XRCC2: variants seen among roughly 807,000 people sequenced by gnomAD.
XRCC2 encodes the protein DNA repair protein XRCC2.
XRCC2 carries 24 observed loss-of-function variants against 27.3 expected under a neutral mutation model. The observed-to-expected ratio is 0.88, with a 90% CI of 0.64 to 1.24. XRCC2 has a LOEUF of 1.24. Among genes scored for constraint, XRCC2 ranks in the 50% most tolerant of loss-of-function variants. The probability of loss-of-function intolerance (pLI) is 0.00; values close to 1 mark genes in which losing one functional copy is unlikely to be tolerated. For synonymous variants in XRCC2, 106 were observed against 115.4 expected, an observed-to-expected ratio of 0.92 and a Z score of 0.52; for missense variants, 321 against 325.8, an observed-to-expected ratio of 0.99 and a Z score of 0.11.
At chr7:152,655,060 C>G (rs1311889108) in intron 2 of XRCC2, among the ~76,000 whole-genome samples, 2 of 152,194 alleles carry the variant, frequency 1.3e-5, no homozygotes, top group Non-Finnish European at 2.9e-5. Flanking sequence ...GCTACAGCAT[C>G]CTTGTCCAGC....
At chr7:152,661,806 A>G (rs555001330) in intron 1 of XRCC2, among the ~76,000 whole-genome samples, 1 of 152,322 alleles carries the variant, frequency 6.6e-6, no homozygotes, top group East Asian at 1.9e-4. Flanking sequence ...AAGTATTTAG[A>G]ACATAGTTAA....
intron 2 of XRCC2, 70 bp from the exon 3 acceptor site, chr7:152,649,433 C>G: frequency 6.7e-7 from 1 of 1,488,484 alleles, no homozygotes; most frequent in Non-Finnish European, 8.9e-7. Flanking sequence ...GCAAAGTCTG[C>G]AAAAAAGTTT....
Position 152,648,583 on chromosome 7 carries a change from C to A in XRCC2, c.*59G>T. 6.6e-7 allele frequency: 1 copy of A among 1,509,266 alleles called. No homozygotes were observed. The highest frequency in any genetic ancestry group is 8.8e-7 in the Non-Finnish European group (1 of 1,137,030). 93.5% of individuals were successfully genotyped at this position (1,509,266 alleles called of 1,614,324 possible). ...CCTGGGAGACAGAGCAAGACTCTGT[C>A]TTAAGAAAAATTTTAAGGCTTGCGT... On this transcript the variant is annotated 3_prime_UTR_variant, in exon 3 of 3. Coordinates refer to ENST00000359321, the MANE Select transcript of XRCC2 (RefSeq NM_005431.2).
At chr7:152,655,863 T>A (rs755255753) in intron 2 of XRCC2, among the ~76,000 whole-genome samples, 6 of 151,386 alleles carry the variant, frequency 4.0e-5, no homozygotes, top group African/African-American at 1.5e-4. Context: ...ATACAAAAAA[T>A]TTGCTGGGCA....
intron 2 of XRCC2, 56 bp downstream of exon 2, chr7:152,660,645 T>A: frequency 6.8e-7 from 1 of 1,481,038 alleles, no homozygotes; most frequent in Non-Finnish European, 9.3e-7. Flanking sequence ...TGAGCTTATG[T>A]GAAAAATCCT....
intron 1 of XRCC2, among the ~76,000 whole-genome samples, chr7:152,669,995 G>A (rs929933229): frequency 5.3e-5 from 8 of 152,142 alleles, no homozygotes; most frequent in Non-Finnish European, 8.8e-5. Context: ...TACACATGGG[G>A]CATTGTGAGG....
chr7:152,644,846 G>A lies in XRCC2; in HGVS notation c.*3796C>T, dbSNP rs1038641808. The stretch of plus-strand genomic sequence containing the variant: ...ATAGTAATTCTTGATCGCTGAAAAT[G>A]TCAAATCCTGGAAAATGTAGTATTC... On this transcript the variant is annotated 3_prime_UTR_variant, in exon 3 of 3. Coordinates refer to ENST00000359321, the MANE Select transcript of XRCC2 (RefSeq NM_005431.2). The A allele has an allele frequency of 1.1e-4, 16 of 152,154 alleles. No individual in the cohort carries two copies. Among genetic ancestry groups the A allele is most frequent in the African/African-American group, 3.9e-4 (16 of 41,426 alleles). The allele number at this position is 152,154 out of a possible 1,614,324, so 9.4% of individuals were successfully genotyped here.
chr7:152,669,653 C>G (rs1385522745), intron 1 of XRCC2, among the ~76,000 whole-genome samples: 1 of 151,864 alleles, frequency 6.6e-6, no homozygotes, highest in Non-Finnish European at 1.5e-5. Context: ...TCTGCCTGCA[C>G]CGACCTCCCA....
chr7:152,672,079 C>T (rs1172216369), intron 1 of XRCC2, among the ~76,000 whole-genome samples: 1 of 152,004 alleles, frequency 6.6e-6, no homozygotes, highest in East Asian at 1.9e-4. Flanking sequence ...AAAATAAAAT[C>T]AAGTCAGCCT....
At chr7:152,664,564 A>G (rs1396428234) in intron 1 of XRCC2, among the ~76,000 whole-genome samples, 1 of 152,118 alleles carries the variant, frequency 6.6e-6, no homozygotes, top group Non-Finnish European at 1.5e-5. Context: ...ACCCTACACC[A>G]TTCTCGAGCC....
At chr7:152,673,194 T>C (rs1476401466) in intron 1 of XRCC2, among the ~76,000 whole-genome samples, 1 of 152,122 alleles carries the variant, frequency 6.6e-6, no homozygotes, top group African/African-American at 2.4e-5. Context: ...TATATATTCT[T>C]TTTTTTGAGA....
intron 1 of XRCC2, among the ~76,000 whole-genome samples, chr7:152,674,374 G>A (rs1172064738): frequency 6.6e-6 from 1 of 152,066 alleles, no homozygotes; most frequent in Non-Finnish European, 1.5e-5. Flanking sequence ...CCAGCACTCT[G>A]GGAGGCTGAG....
intron 1 of XRCC2, among the ~76,000 whole-genome samples, chr7:152,663,071 T>C (rs1419638077): frequency 1.3e-5 from 2 of 152,054 alleles, no homozygotes; most frequent in Non-Finnish European, 2.9e-5. Flanking sequence ...CTAGATGAGA[T>C]TATGTCATAA....
At chr7:152,659,066 G>A (rs1476734767) in intron 2 of XRCC2, among the ~76,000 whole-genome samples, 3 of 151,944 alleles carry the variant, frequency 2.0e-5, no homozygotes, top group South Asian at 2.1e-4. Context: ...CATAATGGTC[G>A]CACCATTTTA....
chr7:152,660,642 A>G, intron 2 of XRCC2, 59 bp downstream of exon 2: 1 of 1,436,722 alleles, frequency 7.0e-7, no homozygotes, highest in Admixed American at 1.8e-5. Flanking sequence ...ATGTGAGCTT[A>G]TGTGAAAAAT....
rs1227610646 is a variant in XRCC2, at chr7:152,676,055, C to G, written c.25G>C (p.Glu9Gln). 3.1e-6 allele frequency: 5 copies of G among 1,613,766 alleles called. No individual in the cohort carries two copies. The Admixed American group carries it at 8.3e-5, about 27-fold the overall frequency. Residue 9 changes from glutamate (E) to glutamine (Q), a missense_variant, in exon 1 of 3, where the codon GAG becomes CAG. Physicochemically the swap from Glu to Gln is conservative, Grantham distance 29. Coordinates refer to ENST00000359321, the MANE Select transcript of XRCC2 (RefSeq NM_005431.2). ...GCGGCTCTCACCTCGGTCCCAGACT[C>G]AGCCCTATGGAAGGCACTACACATC... MCSAFHRAESGTELLARLE... is the reference protein window; with the variant it reads MCSAFHRAQSGTELLARLE...
At chr7:152,674,526 C>T (rs1447545716) in intron 1 of XRCC2, among the ~76,000 whole-genome samples, 3 of 151,294 alleles carry the variant, frequency 2.0e-5, no homozygotes, top group Non-Finnish European at 4.4e-5. Context: ...GCAGGACAAT[C>T]GCTTGAACCC....
chr7:152,667,860 CTA>C (rs2117006849), intron 1 of XRCC2, among the ~76,000 whole-genome samples: 1 of 151,988 alleles, frequency 6.6e-6, no homozygotes, highest in Admixed American at 6.6e-5. Context: ...ACCCCCATCT[CTA>C]TGAAAAATAC....
intron 2 of XRCC2, among the ~76,000 whole-genome samples, chr7:152,656,227 T>A (rs1376468957): frequency 6.6e-6 from 1 of 152,014 alleles, no homozygotes; most frequent in Admixed American, 6.6e-5. Flanking sequence ...TTAAAATAAA[T>A]TTTAAAAAAT....
Sources: allele counts gnomAD v4.1 joint callset (sites outside exome capture counted in the v4.1 genomes callset), GRCh38; gene constraint gnomAD v4.1.1; transcripts MANE v1.5; gene names NCBI Gene and HGNC (gene_info 2026-07-23, HGNC 2026-07-21).